TBL1XR1: variants seen among roughly 807,000 people sequenced by gnomAD.
The protein encoded by TBL1XR1 is F-box-like/WD repeat-containing protein TBL1XR1.
In TBL1XR1, 5 loss-of-function variants were observed where a neutral mutation model predicts 66.9. The observed-to-expected ratio is 0.07, with a 90% CI of 0.04 to 0.16. The LOEUF (loss-of-function observed/expected upper bound fraction) is 0.16. TBL1XR1 is among the 10% of genes least tolerant of loss of function. The pLI, the probability that TBL1XR1 is intolerant of heterozygous loss-of-function variation, is 1.00. For synonymous variants in TBL1XR1, 210 were observed against 206.0 expected, an observed-to-expected ratio of 1.02 and a Z score of -0.17; for missense variants, 238 against 623.2, an observed-to-expected ratio of 0.38 and a Z score of 6.58.
intron 1 of TBL1XR1, among the ~76,000 whole-genome samples, chr3:177,118,788 T>C (rs1308236255): frequency 6.6e-6 from 1 of 151,482 alleles, no homozygotes; most frequent in Non-Finnish European, 1.5e-5. Flanking sequence ...ATGGCAAGTG[T>C]CGTATTTTGT....
At position 177,053,975 on chromosome 3, in the gene TBL1XR1, G is replaced by A. The variant is rs188800723; in HGVS notation, c.59-57C>T. The A allele has an allele frequency of 5.2e-4, 781 of 1,514,634 alleles. 3 individuals are homozygous for A. The highest frequency in any genetic ancestry group is 3.1e-4 in the Non-Finnish European group (342 of 1,116,330). The allele number at this position is 1,514,634 out of a possible 1,614,324, so 93.8% of individuals were successfully genotyped here. A position where few individuals can be genotyped will look rare whatever the true frequency, so the allele number is the denominator to read the frequency against. On this transcript the variant is annotated intron_variant, in intron 3 of 15. Transcript: ENST00000457928. ...TTTTCCTAGTGGCAACATGCTAAAT[G>A]ACACAGAAAGAAAGATCACCATCAT...
intron 1 of TBL1XR1, among the ~76,000 whole-genome samples, chr3:177,195,005 TTAACA>T (rs531093737): frequency 5.3e-5 from 8 of 152,306 alleles, no homozygotes; most frequent in African/African-American, 1.9e-4. Flanking sequence ...TTTTATGCCA[TTAACA>T]TGTCACTTTA....
chr3:177,033,501 T>C (rs1714300286), intron 13 of TBL1XR1, among the ~76,000 whole-genome samples: 1 of 152,134 alleles, frequency 6.6e-6, no homozygotes, highest in East Asian at 1.9e-4. Context: ...GTGACCACAT[T>C]TTTCCATTTA....
intron 1 of TBL1XR1, among the ~76,000 whole-genome samples, chr3:177,139,042 A>C (rs1377256354): frequency 6.6e-6 from 1 of 152,228 alleles, no homozygotes. Flanking sequence ...ACCAAGATGC[A>C]CCAAAAATTT....
chr3:177,121,977 C>T (rs958038020), intron 1 of TBL1XR1, among the ~76,000 whole-genome samples: 1 of 152,140 alleles, frequency 6.6e-6, no homozygotes, highest in African/African-American at 2.4e-5. Context: ...CAACCCTCAT[C>T]CCAATCCTAC....
chr3:177,107,606 A>T (rs1725035231), intron 1 of TBL1XR1, among the ~76,000 whole-genome samples: 1 of 152,196 alleles, frequency 6.6e-6, no homozygotes, highest in African/African-American at 2.4e-5. Flanking sequence ...ACTTAAAATG[A>T]TACATTCGAA....
At chr3:177,135,300 C>A (rs1400075209) in intron 1 of TBL1XR1, among the ~76,000 whole-genome samples, 2 of 57,948 alleles carry the variant, frequency 3.5e-5, no homozygotes, top group Admixed American at 1.7e-4. Flanking sequence ...CCGCACAAGG[C>A]CGCACTCTGT....
At chr3:177,031,830 A>T (rs1310514160) in intron 14 of TBL1XR1, among the ~76,000 whole-genome samples, 1 of 151,866 alleles carries the variant, frequency 6.6e-6, no homozygotes, top group Non-Finnish European at 1.5e-5. Context: ...AGGCTTAATA[A>T]TCATTTGTTC....
intron 1 of TBL1XR1, among the ~76,000 whole-genome samples, chr3:177,118,731 T>C (rs1200492931): frequency 6.6e-6 from 1 of 152,160 alleles, no homozygotes; most frequent in Non-Finnish European, 1.5e-5. Context: ...ACCCTGAAGT[T>C]TGTATTTTAA....
At chr3:177,092,739 T>C (rs1377469132) in intron 2 of TBL1XR1, among the ~76,000 whole-genome samples, 3 of 151,810 alleles carry the variant, frequency 2.0e-5, no homozygotes, top group Non-Finnish European at 4.4e-5. Flanking sequence ...AACCTAGAAT[T>C]ACCATATGAT....
chr3:177,113,625 G>GT lies in TBL1XR1; in HGVS notation c.-121-15085dup, dbSNP rs1405815622. Among the ~76,000 whole-genome samples the GT allele has an allele frequency of 2.6e-5, 4 of 152,134 alleles. No homozygotes were observed. The South Asian group carries it at 6.2e-4, about 24-fold the overall frequency. On this transcript the variant is annotated intron_variant, in intron 1 of 15. Transcript: ENST00000457928. ...GCTGGAGAATCGCTTTAGGCCAGGA[G>GT]TTTGTGACTAGCCTGGGCAACATAT...
intron 1 of TBL1XR1, among the ~76,000 whole-genome samples, chr3:177,185,564 C>T (rs368170474): frequency 7.9e-5 from 12 of 151,620 alleles, no homozygotes; most frequent in East Asian, 3.9e-4. Flanking sequence ...CCAAGATCAA[C>T]GCCATTGCAC....
chr3:177,074,991 A>C (rs1485816153), intron 2 of TBL1XR1, among the ~76,000 whole-genome samples: 1 of 152,216 alleles, frequency 6.6e-6, no homozygotes, highest in Non-Finnish European at 1.5e-5. Flanking sequence ...CAAAGACCAC[A>C]AAGTACTCTC....
rs1381990180 is a variant in TBL1XR1, at chr3:177,023,333, TA to T, written c.*2164del. On this transcript the variant is annotated 3_prime_UTR_variant, in exon 16 of 16. Transcript: ENST00000457928. ...TTATTGCACAGATTTTTTTAATTTT[TA>T]TTTATTTTTTTTAAACAATAACAGA... 14 of 152,524 alleles carry T rather than the reference TA, an allele frequency of 9.2e-5. No individual in the cohort carries two copies. The highest frequency in any genetic ancestry group is 3.2e-3 in the Middle Eastern group (1 of 316). The allele number at this position is 152,524 out of a possible 1,614,324, so 9.4% of individuals were successfully genotyped here.
intron 1 of TBL1XR1, among the ~76,000 whole-genome samples, chr3:177,156,994 A>G (rs984582020): frequency 3.3e-5 from 5 of 152,220 alleles, no homozygotes; most frequent in Admixed American, 3.3e-4. Flanking sequence ...GTAGTTCTGT[A>G]AGTTACAAGT....
intron 12 of TBL1XR1, among the ~76,000 whole-genome samples, chr3:177,035,413 A>ATTTT (rs71798306): frequency 7.6e-6 from 1 of 130,802 alleles, no homozygotes. Context: ...CCCTGCCCCA[A>ATTTT]TTTTTTTTTT....
chr3:177,151,593 T>C (rs961569964), intron 1 of TBL1XR1, among the ~76,000 whole-genome samples: 1 of 152,270 alleles, frequency 6.6e-6, no homozygotes, highest in East Asian at 1.9e-4. Flanking sequence ...TGGTCCCTGG[T>C]GCCAAAAAGG....
chr3:177,039,744 A>G (rs1054612259), intron 10 of TBL1XR1, among the ~76,000 whole-genome samples: 1 of 152,254 alleles, frequency 6.6e-6, no homozygotes, highest in Non-Finnish European at 1.5e-5. Flanking sequence ...ATGGCACATA[A>G]GCCAAGAATG....
chr3:177,093,547 T>C (rs13324471), intron 2 of TBL1XR1, among the ~76,000 whole-genome samples: 9,762 of 151,834 alleles, frequency 0.064, 359 homozygotes, highest in Middle Eastern at 0.095. Flanking sequence ...CAATCTGGAG[T>C]CATCACATTA....
Sources: gnomAD v4.1 joint callset for allele counts (sites outside exome capture counted in the v4.1 genomes callset) on GRCh38, gnomAD v4.1.1 for gene constraint, MANE v1.5 for transcripts, NCBI Gene and HGNC (gene_info 2026-07-23, HGNC 2026-07-21) for gene names.